COL23A1: variants seen among roughly 807,000 people sequenced by gnomAD.
The protein encoded by COL23A1 is collagen type XXIII alpha 1 chain.
Under a neutral mutation model 99.3 loss-of-function variants are expected in COL23A1, and 97 were observed. The ratio of observed to expected loss-of-function variants is 0.98; its 90% CI spans 0.83 to 1.16. The LOEUF (loss-of-function observed/expected upper bound fraction) is 1.16, where lower values mean the gene tolerates loss of function less well. Among genes scored for constraint, COL23A1 ranks in the 50% most tolerant of loss-of-function variants. The pLI is 0.00. For missense variants in COL23A1, 762 were observed against 757.4 expected (o/e 1.01, Z -0.07); for synonymous variants, 320 against 308.2 (o/e 1.04, Z -0.40).
chr5:178,440,913 G>T (rs1475807589), intron 2 of COL23A1, among the ~76,000 whole-genome samples: 1 of 152,122 alleles, frequency 6.6e-6, no homozygotes, highest in East Asian at 1.9e-4. Context: ...CACCATGCCC[G>T]GCCTACTGTT....
At chr5:178,531,078 G>C (rs1387040078) in intron 2 of COL23A1, among the ~76,000 whole-genome samples, 3 of 152,138 alleles carry the variant, frequency 2.0e-5, no homozygotes, top group Non-Finnish European at 2.9e-5. Context: ...ATGGGGTCAG[G>C]CTGGTCTCAA....
chr5:178,501,350 G>A (rs562220402), intron 2 of COL23A1, among the ~76,000 whole-genome samples: 1 of 152,232 alleles, frequency 6.6e-6, no homozygotes, highest in South Asian at 2.1e-4. Context: ...TGGGAGGCCT[G>A]GGTGGGTGAA....
chr5:178,239,043 G>T, intron 28 of COL23A1, 98 bp downstream of exon 28: 1 of 1,353,676 alleles, frequency 7.4e-7, no homozygotes, highest in Non-Finnish European at 1.1e-6. Flanking sequence ...CAGACACCCA[G>T]AGGTTTGAGT....
At chr5:178,445,480 A>G (rs1389128661) in intron 2 of COL23A1, among the ~76,000 whole-genome samples, 4 of 152,174 alleles carry the variant, frequency 2.6e-5, no homozygotes, top group Non-Finnish European at 5.9e-5. Flanking sequence ...GAAATTTATA[A>G]TTATGTAGTC....
intron 2 of COL23A1, among the ~76,000 whole-genome samples, chr5:178,354,852 T>A (rs764222140): frequency 6.6e-6 from 1 of 151,866 alleles, no homozygotes; most frequent in Non-Finnish European, 1.5e-5. Context: ...AGCTCAGGAG[T>A]TCGAAACCAG....
intron 2 of COL23A1, among the ~76,000 whole-genome samples, chr5:178,489,797 C>G (rs1416684105): frequency 6.6e-6 from 1 of 152,202 alleles, no homozygotes; most frequent in Non-Finnish European, 1.5e-5. Context: ...AAAGCTGGGA[C>G]TTGAACAGGT....
chr5:178,425,969 AC>A (rs1359684240), intron 2 of COL23A1, among the ~76,000 whole-genome samples: 2 of 152,160 alleles, frequency 1.3e-5, no homozygotes, highest in African/African-American at 4.8e-5. Flanking sequence ...AAAAGGTGCC[AC>A]GGTGGGGTCC....
intron 2 of COL23A1, among the ~76,000 whole-genome samples, chr5:178,441,608 T>C (rs952111787): frequency 6.6e-6 from 1 of 152,148 alleles, no homozygotes; most frequent in African/African-American, 2.4e-5. Flanking sequence ...GCTGCCTTAA[T>C]GGTTCTTAAG....
chr5:178,343,334 A>G (rs2127665454), intron 2 of COL23A1, among the ~76,000 whole-genome samples: 1 of 152,340 alleles, frequency 6.6e-6, no homozygotes, highest in East Asian at 1.9e-4. Context: ...GACACGAGGG[A>G]GCAGTCATGT....
intron 2 of COL23A1, among the ~76,000 whole-genome samples, chr5:178,337,739 C>CT (rs1554140808): frequency 3.3e-4 from 50 of 152,274 alleles, no homozygotes; most frequent in African/African-American, 1.2e-3. Flanking sequence ...AGACACCCCC[C>CT]ATCTTCCTGG....
intron 1 of COL23A1, among the ~76,000 whole-genome samples, chr5:178,577,148 G>A (rs1763414553): frequency 6.6e-6 from 1 of 152,186 alleles, no homozygotes; most frequent in African/African-American, 2.4e-5. Context: ...AGGCCCAGCG[G>A]GTCCCTGCTC....
At position 178,247,535 on chromosome 5, in the gene COL23A1, C is replaced by T. The variant is rs1348166306; in HGVS notation, c.1287G>A (p.Gln429=). The stretch of plus-strand genomic sequence containing the variant: ...GTCTGTGCCCACTCACCTTGGGACC[C>T]TGGATTCCCTGGAGGCCCTGCAGGA... ...PPGPMGLQGI[Q]GPKGLDGAKG... The change falls in exon 22 of 29, where the codon CAG becomes CAA. Residue 429 remains glutamine (Q), a synonymous_variant. Coordinates refer to ENST00000390654, the MANE Select transcript of COL23A1 (RefSeq NM_173465.4). The T allele has an allele frequency of 6.2e-7, 1 of 1,614,114 alleles. No homozygotes were observed. Among genetic ancestry groups the T allele is most frequent in the Admixed American group, 1.7e-5 (1 of 60,018 alleles).
At chr5:178,448,693 G>A (rs1227039486) in intron 2 of COL23A1, among the ~76,000 whole-genome samples, 1 of 152,072 alleles carries the variant, frequency 6.6e-6, no homozygotes, top group African/African-American at 2.4e-5. Flanking sequence ...ATTCATGAGG[G>A]CAGTGCCCCC....
intron 2 of COL23A1, among the ~76,000 whole-genome samples, chr5:178,406,428 C>CTTTTTTTTTT (rs61274419): frequency 2.1e-5 from 3 of 142,038 alleles, no homozygotes; most frequent in African/African-American, 2.6e-5. Context: ...TACCTACACT[C>CTTTTTTTTTT]TTTTTTTTTT....
At chr5:178,493,735 G>A (rs1758054956) in intron 2 of COL23A1, among the ~76,000 whole-genome samples, 1 of 152,246 alleles carries the variant, frequency 6.6e-6, no homozygotes, top group Non-Finnish European at 1.5e-5. Context: ...AAATACAGTG[G>A]CTGCACGCAA....
intron 2 of COL23A1, among the ~76,000 whole-genome samples, chr5:178,474,917 G>A (rs565486684): frequency 2.0e-4 from 31 of 152,304 alleles, no homozygotes; most frequent in African/African-American, 7.5e-4. Context: ...TCAAAGTGTG[G>A]GCAGGGCCCC....
intron 3 of COL23A1, among the ~76,000 whole-genome samples, chr5:178,296,808 A>G (rs1250300803): frequency 1.3e-5 from 2 of 152,094 alleles, no homozygotes; most frequent in African/African-American, 2.4e-5. Flanking sequence ...CTCATCTACA[A>G]GACTTTAAAA....
intron 3 of COL23A1, among the ~76,000 whole-genome samples, chr5:178,292,461 T>C (rs771384713): frequency 3.3e-5 from 5 of 152,316 alleles, no homozygotes; most frequent in Middle Eastern, 3.4e-3. Flanking sequence ...CCCCGTTCTA[T>C]TCCTGCCCTT....
At chr5:178,581,969 T>C (rs1763681759) in intron 1 of COL23A1, among the ~76,000 whole-genome samples, 2 of 151,862 alleles carry the variant, frequency 1.3e-5, no homozygotes. Context: ...CAGCCCTTGG[T>C]TTAGGATGGT....
Sources: allele counts gnomAD v4.1 joint callset (sites outside exome capture counted in the v4.1 genomes callset), GRCh38; gene constraint gnomAD v4.1.1; transcripts MANE v1.5; gene names NCBI Gene and HGNC (gene_info 2026-07-23, HGNC 2026-07-21).